CATSPERE: variants seen among roughly 807,000 people sequenced by gnomAD.
CATSPERE encodes catsper channel auxiliary subunit epsilon, also known as cation channel sperm-associated auxiliary subunit epsilon.
Under a neutral mutation model 114.1 loss-of-function variants are expected in CATSPERE, and 93 were observed. The observed-to-expected ratio is 0.81, with a 90% CI of 0.69 to 0.97. CATSPERE has a LOEUF of 0.97. Ranked by LOEUF, CATSPERE falls within the 50% of genes least tolerant of loss-of-function variation. The pLI, the probability that CATSPERE is intolerant of heterozygous loss-of-function variation, is 0.00. For missense variants in CATSPERE, 1,058 were observed against 1,131.6 expected (o/e 0.93, Z 0.93); for synonymous variants, 341 against 384.1 (o/e 0.89, Z 1.31).
At position 244,573,644 on chromosome 1, in the gene CATSPERE, A is replaced by G. The variant is rs943927605; in HGVS notation, c.1950+872A>G. ...TAACCCAGGTCTAGTGTTATCCTCC[A>G]GACTAGACCTGGCTTCTTCTGTGGC... On this transcript the variant is annotated intron_variant, in intron 11 of 21. Coordinates refer to ENST00000366534, the MANE Select transcript of CATSPERE (RefSeq NM_001130957.2). The surrounding 1 kb of genome is among the most constrained non-coding windows in gnomAD (Gnocchi z 4.0). 6.6e-6 allele frequency among the ~76,000 whole-genome samples: 1 copy of G among 152,174 alleles called. No homozygotes were observed. Among genetic ancestry groups the G allele is most frequent in the African/African-American group, 2.4e-5 (1 of 41,436 alleles).
rs553525973 is a variant in CATSPERE, at chr1:244,473,428, T to C, written c.115-4113T>C. ...TGGTGAGGTGCCTGTTCAGATCTTT[T>C]GCCCATTTTTAAAGATGGGTTTTCG... On this transcript the variant is annotated intron_variant, in intron 2 of 21. Coordinates refer to ENST00000366534, the MANE Select transcript of CATSPERE (RefSeq NM_001130957.2). 1.6e-3 allele frequency among the ~76,000 whole-genome samples: 249 copies of C among 152,304 alleles called. 1 individual carries two copies. The highest frequency in any genetic ancestry group is 5.7e-3 in the African/African-American group (238 of 41,578).
chr1:244,553,626 C>CACACACACACACATATACAT (rs1661101602), intron 9 of CATSPERE, among the ~76,000 whole-genome samples: 8 of 146,678 alleles, frequency 5.5e-5, no homozygotes, highest in African/African-American at 2.1e-4. Context: ...CACACACACA[C>CACACACACACACATATACAT]ACACACACAC....
chr1:244,473,816 T>G (rs964465871), intron 2 of CATSPERE, among the ~76,000 whole-genome samples: 1 of 152,128 alleles, frequency 6.6e-6, no homozygotes, highest in Non-Finnish European at 1.5e-5. Context: ...ATATAACATA[T>G]CTTTGGTCTC....
intron 9 of CATSPERE, among the ~76,000 whole-genome samples, chr1:244,560,333 A>G (rs1662351543): frequency 6.7e-6 from 1 of 149,006 alleles, no homozygotes. Flanking sequence ...GGAAGTTGTT[A>G]GACCTTGGTA....
At chr1:244,461,198 C>A (rs1666684381), upstream of CATSPERE, among the ~76,000 whole-genome samples, 1 of 152,190 alleles carries the variant, frequency 6.6e-6, no homozygotes, top group South Asian at 2.1e-4. Context: ...TTCCTAAAAT[C>A]TCGTGTGCAG....
chr1:244,581,199 T>C (rs1427412124), intron 11 of CATSPERE, among the ~76,000 whole-genome samples: 2 of 152,194 alleles, frequency 1.3e-5, no homozygotes, highest in Non-Finnish European at 2.9e-5. Context: ...TGCTTTTGTC[T>C]TTGAATATGA....
At chr1:244,585,922 C>T (rs1398224873) in intron 13 of CATSPERE, among the ~76,000 whole-genome samples, 1 of 152,208 alleles carries the variant, frequency 6.6e-6, no homozygotes, top group Non-Finnish European at 1.5e-5. Flanking sequence ...TGAACTTTCC[C>T]TGGGAGGGGT....
chr1:244,581,573 T>G (rs1179560582), intron 11 of CATSPERE, among the ~76,000 whole-genome samples: 1 of 152,220 alleles, frequency 6.6e-6, no homozygotes, highest in African/African-American at 2.4e-5. Flanking sequence ...ACCCACTATG[T>G]ACATTAATAT....
At chr1:244,621,246 T>C (rs1672285317) in intron 20 of CATSPERE, among the ~76,000 whole-genome samples, 1 of 122,400 alleles carries the variant, frequency 8.2e-6, no homozygotes, top group African/African-American at 3.5e-5. Context: ...TATATAGATA[T>C]ATTTATATAG....
chr1:244,611,991 A>G (rs1270453235), intron 19 of CATSPERE, among the ~76,000 whole-genome samples: 1 of 152,184 alleles, frequency 6.6e-6, no homozygotes, highest in Admixed American at 6.5e-5. Flanking sequence ...TTGGGGCCCA[A>G]AAATTTGCAC....
At chr1:244,482,605 A>G (rs1307976431) in intron 5 of CATSPERE, among the ~76,000 whole-genome samples, 1 of 152,116 alleles carries the variant, frequency 6.6e-6, no homozygotes, top group Non-Finnish European at 1.5e-5. Flanking sequence ...CCATCTCTAG[A>G]AAAAATAAAA....
At chr1:244,529,515 A>T (rs1388224676) in intron 8 of CATSPERE, among the ~76,000 whole-genome samples, 1 of 151,790 alleles carries the variant, frequency 6.6e-6, no homozygotes, top group African/African-American at 2.4e-5. Flanking sequence ...TTGGATTATT[A>T]TATTTTTTTC....
intron 6 of CATSPERE, among the ~76,000 whole-genome samples, chr1:244,493,672 A>T (rs1211668279): frequency 6.6e-6 from 1 of 152,180 alleles, no homozygotes; most frequent in Non-Finnish European, 1.5e-5. Flanking sequence ...CAACCTACAA[A>T]ATGGGAGAAA....
At chr1:244,508,807 G>A (rs527902763) in intron 7 of CATSPERE, among the ~76,000 whole-genome samples, 46 of 149,138 alleles carry the variant, frequency 3.1e-4, no homozygotes, top group African/African-American at 1.1e-3. Context: ...GACAAGTGTG[G>A]GCAACATAGT....
intron 9 of CATSPERE, among the ~76,000 whole-genome samples, chr1:244,555,025 C>T (rs1572724801): frequency 6.6e-6 from 1 of 152,272 alleles, no homozygotes; most frequent in Non-Finnish European, 1.5e-5. Flanking sequence ...GAAGGACAAA[C>T]ACCATATGAT....
At chr1:244,507,292 G>C (rs937378614) in intron 7 of CATSPERE, among the ~76,000 whole-genome samples, 1 of 152,096 alleles carries the variant, frequency 6.6e-6, no homozygotes, top group Admixed American at 6.6e-5. Context: ...TTGCTGGATT[G>C]CATGGTAGTT....
intron 4 of CATSPERE, among the ~76,000 whole-genome samples, chr1:244,479,385 G>T (rs187695336): frequency 5.3e-5 from 8 of 152,192 alleles, no homozygotes; most frequent in African/African-American, 1.9e-4. Flanking sequence ...GAGCCACTGC[G>T]CCAGGCCACA....
At chr1:244,619,071 T>C (rs1439862877) in intron 20 of CATSPERE, among the ~76,000 whole-genome samples, 1 of 152,154 alleles carries the variant, frequency 6.6e-6, no homozygotes, top group Admixed American at 6.5e-5. Flanking sequence ...AGTTCTGACT[T>C]TGAATTTGAG....
At chr1:244,612,600 A>G (rs771749143) in intron 19 of CATSPERE, among the ~76,000 whole-genome samples, 9 of 152,194 alleles carry the variant, frequency 5.9e-5, no homozygotes, top group Non-Finnish European at 1.0e-4. Context: ...TGTGGCTGAA[A>G]ATACTAGACT....
Sources: allele counts gnomAD v4.1 joint callset (sites outside exome capture counted in the v4.1 genomes callset), GRCh38; gene constraint gnomAD v4.1.1; non-coding constraint Gnocchi (gnomAD v3.1); transcripts MANE v1.5; gene names NCBI Gene and HGNC (gene_info 2026-07-23, HGNC 2026-07-21).